MARCKS: variants seen among roughly 807,000 people sequenced by gnomAD.
The protein encoded by MARCKS is myristoylated alanine-rich C-kinase substrate.
MARCKS carries 4 observed loss-of-function variants against 6.3 expected under a neutral mutation model. The ratio of observed to expected loss-of-function variants is 0.63; its 90% CI spans 0.31 to 1.45. The LOEUF is 1.45. Among genes scored for constraint, MARCKS ranks in the 40% most tolerant of loss-of-function variants. MARCKS has a pLI of 0.07. For missense variants in MARCKS, 636 were observed against 485.7 expected (o/e 1.31, Z -2.91); for synonymous variants, 289 against 236.5 (o/e 1.22, Z -2.04).
At chr6:113,857,977 A>G (rs1774814208) in intron 1 of MARCKS, 130 bp downstream of exon 1, 1 of 814,160 alleles carries the variant, frequency 1.2e-6, no homozygotes, top group African/African-American at 1.7e-5. Flanking sequence ...GGAAATGGAT[A>G]GCCTAAATTG....
At position 113,860,496 on chromosome 6, in the gene MARCKS, G is replaced by A. The variant is rs1286719810; in HGVS notation, c.916G>A (p.Ala306Thr). 5 of 1,515,748 alleles carry A rather than the reference G, an allele frequency of 3.3e-6. No individual in the cohort carries two copies. In the Admixed American group the frequency reaches 6.4e-5, roughly 19 times the overall value. The allele number at this position is 1,515,748 out of a possible 1,614,324, so 93.9% of individuals were successfully genotyped here. Residue 306 changes from alanine (A) to threonine (T), a missense_variant, in exon 2 of 2, where the codon GCC becomes ACC. Coordinates refer to ENST00000612661, the MANE Select transcript of MARCKS (RefSeq NM_002356.7). Reference sequence around the variant, plus strand: ...CGCGGAGGAGCCCGCGGCCGCCGCAGCCTCGTCAGCCTGCGCAGCCCCCTC... The same window carrying A: ...CGCGGAGGAGCCCGCGGCCGCCGCAACCTCGTCAGCCTGCGCAGCCCCCTC... Reference protein sequence around the residue: ...APAEEPAAAAASSACAAPSQE... With the variant: ...APAEEPAAAATSSACAAPSQE...
chr6:113,859,476 G>C (rs45622441), intron 1 of MARCKS, among the ~76,000 whole-genome samples: 2,393 of 152,196 alleles, frequency 0.016, 63 homozygotes, highest in African/African-American at 0.055. Flanking sequence ...TTTTCGGGGG[G>C]TCTCCAGGCA....
intron 1 of MARCKS, 53 bp from the exon 2 acceptor site, chr6:113,859,630 A>C: frequency 1.4e-6 from 2 of 1,413,534 alleles, no homozygotes; most frequent in African/African-American, 3.0e-5. Context: ...TGGGGGCGGG[A>C]ATGGCGGCGC....
In MARCKS at chr6:113,857,774, C is replaced by A; in HGVS notation, c.29C>A (p.Ala10Glu). The A allele has an allele frequency of 6.2e-7, 1 of 1,608,970 alleles. No homozygotes were observed. Among genetic ancestry groups the A allele is most frequent in the East Asian group, 2.2e-5 (1 of 44,754 alleles). The stretch of plus-strand genomic sequence containing the variant: ...GGTGCCCAGTTCTCCAAGACCGCAG[C>A]GAAGGGAGAAGCCGCCGCGGAGAGG... MGAQFSKTA[A>E]KGEAAAERPG... is the part of the protein sequence containing the mutation. Residue 10 changes from alanine (A) to glutamate (E), a missense_variant, in exon 1 of 2, where the codon GCG becomes GAG. By Grantham distance (107) the Ala-to-Glu change is moderately radical (BLOSUM62 -1). Coordinates refer to ENST00000612661, the MANE Select transcript of MARCKS (RefSeq NM_002356.7).
rs752367758 is a variant in MARCKS, at chr6:113,857,809, G to A, written c.64G>A (p.Ala22Thr). ...GEAAAERPGEAAVASSPSKAN... is the reference protein window; with the variant it reads ...GEAAAERPGETAVASSPSKAN... ...AGCCGCCGCGGAGAGGCCTGGGGAG[G>A]CGGCTGTGGCCTCGTCGCCTTCCAA... The change falls in exon 1 of 2, where the codon GCG becomes ACG. Residue 22 changes from alanine to threonine, a missense_variant. Transcript: ENST00000612661. 3.1e-6 allele frequency: 5 copies of A among 1,607,988 alleles called. No individual in the cohort carries two copies. Among genetic ancestry groups the A allele is most frequent in the Non-Finnish European group, 4.2e-6 (5 of 1,177,570 alleles).
Position 113,860,125 on chromosome 6 carries a change from G to T in MARCKS, c.545G>T (p.Gly182Val). 6.5e-7 allele frequency: 1 copy of T among 1,536,558 alleles called. No individual in the cohort carries two copies. The highest frequency in any genetic ancestry group is 1.4e-5 in the African/African-American group (1 of 69,718). Residue 182 changes from glycine (G) to valine (V), a missense_variant, in exon 2 of 2, where the codon GGT becomes GTT. Physicochemically the swap from Gly to Val is moderately radical, Grantham distance 109. Coordinates refer to ENST00000612661, the MANE Select transcript of MARCKS (RefSeq NM_002356.7). ...KKNKKEAGEG[G>V]EAEAPAAEGG... ...AACAAGAAGGAGGCTGGAGAAGGCG[G>T]TGAGGCTGAGGCGCCCGCTGCCGAA...
Position 113,860,725 on chromosome 6 carries a change from A to T in MARCKS, c.*146A>T. On this transcript the variant is annotated 3_prime_UTR_variant, in exon 2 of 2. Transcript: ENST00000612661. The stretch of plus-strand genomic sequence containing the variant: ...TTTTTTATTTTACTTTTTTTTAAGC[A>T]CCAAATTTTGTTGTTTTTTTTTTTT... 3.9e-6 allele frequency: 2 copies of T among 517,728 alleles called. No individual in the cohort carries two copies. Among genetic ancestry groups the T allele is most frequent in the Non-Finnish European group, 3.1e-6 (1 of 324,696 alleles). The allele number at this position is 517,728 out of a possible 1,614,324, so 32.1% of individuals were successfully genotyped here.
chr6:113,862,415 C>CATTTT lies in MARCKS; in HGVS notation c.*1836_*1837insATTTT, dbSNP rs1562118784. 5.7e-5 allele frequency: 5 copies of CATTTT among 87,460 alleles called. 1 individual carries two copies. Among genetic ancestry groups the CATTTT allele is most frequent in the Admixed American group, 1.9e-4 (1 of 5,186 alleles). 5.4% of individuals were successfully genotyped at this position (87,460 alleles called of 1,614,324 possible). A position where few individuals can be genotyped will look rare whatever the true frequency, so the allele number is the denominator to read the frequency against. ...GGGCCTTTAGCATAGTTTTAAGCAT[C>CATTTT]CTTTTTTTTTTTTTTTTTTGAAAGT... On this transcript the variant is annotated 3_prime_UTR_variant, in exon 2 of 2. Transcript: ENST00000612661.
At position 113,861,088 on chromosome 6, in the gene MARCKS, T is replaced by A. The variant is rs1042258895; in HGVS notation, c.*509T>A. On this transcript the variant is annotated 3_prime_UTR_variant, in exon 2 of 2. Coordinates refer to ENST00000612661, the MANE Select transcript of MARCKS (RefSeq NM_002356.7). ...GTAAAGGCTGTCTTTTTTTTTTTTT[T>A]AAAAGAAAAGTTATTACCATGTATT... 3 of 148,176 alleles carry A rather than the reference T, an allele frequency of 2.0e-5. No homozygotes were observed. The highest frequency in any genetic ancestry group is 7.4e-5 in the African/African-American group (3 of 40,382). The allele number at this position is 148,176 out of a possible 1,614,324, so 9.2% of individuals were successfully genotyped here.
At position 113,860,306 on chromosome 6, in the gene MARCKS, C is replaced by T; in HGVS notation, c.726C>T (p.Ala242=). Residue 242 remains alanine, a synonymous_variant, in exon 2 of 2, where the codon GCC becomes GCT. Coordinates refer to ENST00000612661, the MANE Select transcript of MARCKS (RefSeq NM_002356.7). ...GDPQEAKPQE[A]AVAPEKPPAS... ...CGCAGGAGGCCAAGCCCCAGGAGGC[C>T]GCTGTCGCGCCAGAGAAGCCGCCCG... The T allele has an allele frequency of 1.6e-6, 2 of 1,284,998 alleles. No homozygotes were observed. Among genetic ancestry groups the T allele is most frequent in the Non-Finnish European group, 2.0e-6 (2 of 990,372 alleles). 79.6% of individuals were successfully genotyped at this position (1,284,998 alleles called of 1,614,324 possible).
At position 113,860,589 on chromosome 6, in the gene MARCKS, C is replaced by G. The variant is rs1020788014; in HGVS notation, c.*10C>G. 57 of 1,537,128 alleles carry G rather than the reference C, an allele frequency of 3.7e-5. No homozygotes were observed. The highest frequency in any genetic ancestry group is 4.5e-5 in the Non-Finnish European group (52 of 1,146,942). On this transcript the variant is annotated 3_prime_UTR_variant, in exon 2 of 2. Transcript: ENST00000612661. ...GGAGGCGGCAGAGTAAAAGAGCAAG[C>G]TTTTGTGAGATAATCGAAGAACTTT...
intron 1 of MARCKS, among the ~76,000 whole-genome samples, chr6:113,858,265 G>GC (rs1175181198): frequency 1.3e-5 from 2 of 148,238 alleles, no homozygotes; most frequent in Non-Finnish European, 3.0e-5. Context: ...ATTGTGTGTG[G>GC]CGGGGGGGGG....
At position 113,860,299 on chromosome 6, in the gene MARCKS, A is replaced by T. The variant is rs1396101529; in HGVS notation, c.719A>T (p.Gln240Leu). The T allele has an allele frequency of 2.4e-6, 3 of 1,276,256 alleles. No individual in the cohort carries two copies. Among genetic ancestry groups the T allele is most frequent in the Non-Finnish European group, 3.0e-6 (3 of 985,582 alleles). 79.1% of individuals were successfully genotyped at this position (1,276,256 alleles called of 1,614,324 possible). ...GGCGACCCGCAGGAGGCCAAGCCCC[A>T]GGAGGCCGCTGTCGCGCCAGAGAAG... The part of the protein sequence containing the change: ...AGGDPQEAKP[Q>L]EAAVAPEKPP... The change falls in exon 2 of 2, where the codon CAG (glutamine) becomes CTG (leucine). Residue 240 changes from glutamine to leucine, a missense_variant. By Grantham distance (113) the Gln-to-Leu change is moderately radical. Coordinates refer to ENST00000612661, the MANE Select transcript of MARCKS (RefSeq NM_002356.7).
At chr6:113,858,474 C>T (rs931191604) in intron 1 of MARCKS, among the ~76,000 whole-genome samples, 37 of 152,236 alleles carry the variant, frequency 2.4e-4, no homozygotes, top group African/African-American at 8.4e-4. Context: ...TGGAATTACA[C>T]ATCCATTTGA....
In MARCKS at chr6:113,860,137, C is replaced by CTGAG. The variant is rs1562117933; in HGVS notation, c.557_558insTGAG (p.Pro187GlufsTer156). 1.3e-6 allele frequency: 2 copies of CTGAG among 1,483,438 alleles called. No homozygotes were observed. Among genetic ancestry groups the CTGAG allele is most frequent in the South Asian group, 1.3e-5 (1 of 79,398 alleles). 91.9% of individuals were successfully genotyped at this position (1,483,438 alleles called of 1,614,324 possible). On this transcript the variant is annotated frameshift_variant, in exon 2 of 2. Coordinates refer to ENST00000612661, the MANE Select transcript of MARCKS (RefSeq NM_002356.7). LOFTEE classifies it low-confidence loss of function (END_TRUNC). ...GCTGGAGAAGGCGGTGAGGCTGAGG[C>CTGAG]GCCCGCTGCCGAAGGCGGCAAGGAC...
In MARCKS at chr6:113,860,171, C is replaced by T. The variant is rs755557718; in HGVS notation, c.591C>T (p.Ala197=). The T allele has an allele frequency of 2.0e-5, 26 of 1,321,086 alleles. No homozygotes were observed. In the African/African-American group the frequency reaches 3.6e-4, roughly 18 times the overall value. The allele number at this position is 1,321,086 out of a possible 1,614,324, so 81.8% of individuals were successfully genotyped here. A position where few individuals can be genotyped will look rare whatever the true frequency, so the allele number is the denominator to read the frequency against. ...PAAEGGKDEA[A]GGAAAAAAEA... ...CCGAAGGCGGCAAGGACGAGGCCGC[C>T]GGGGGCGCAGCTGCGGCCGCCGCCG... Residue 197 remains alanine (A), a synonymous_variant, in exon 2 of 2, where the codon GCC becomes GCT. Transcript: ENST00000612661.
Position 113,862,298 on chromosome 6 carries a change from C to A in MARCKS, c.*1719C>A, listed in dbSNP as rs541647979. 1.8e-4 allele frequency: 28 copies of A among 152,018 alleles called. No individual in the cohort carries two copies. Among genetic ancestry groups the A allele is most frequent in the African/African-American group, 6.5e-4 (27 of 41,462 alleles). 9.4% of individuals were successfully genotyped at this position (152,018 alleles called of 1,614,324 possible). On this transcript the variant is annotated 3_prime_UTR_variant, in exon 2 of 2. Transcript: ENST00000612661. ...GCTATTGTAATTGCTTAGTGCTTGG[C>A]TAATTTCCAAATTATTGCATAATAT...
Position 113,862,347 on chromosome 6 carries a change from T to C in MARCKS, c.*1768T>C, listed in dbSNP as rs1378778190. On this transcript the variant is annotated 3_prime_UTR_variant, in exon 2 of 2. Transcript: ENST00000612661. The stretch of plus-strand genomic sequence containing the variant: ...ATGTTCTACCTTAAGAAAACAGGTT[T>C]ATGTAACAAAGTAATGGTGTTGAAT... 1 of 152,078 alleles carries C rather than the reference T, an allele frequency of 6.6e-6. No individual in the cohort carries two copies. 9.4% of individuals were successfully genotyped at this position (152,078 alleles called of 1,614,324 possible).
At position 113,862,910 on chromosome 6, in the gene MARCKS, C is replaced by T. The variant is rs1003742757; in HGVS notation, c.*2331C>T. 2 of 152,098 alleles carry T rather than the reference C, an allele frequency of 1.3e-5. No homozygotes were observed. The highest frequency in any genetic ancestry group is 2.4e-5 in the African/African-American group (1 of 41,430). The allele number at this position is 152,098 out of a possible 1,614,324, so 9.4% of individuals were successfully genotyped here. ...GAAAGTTAAAAATTGAATTTGGTAACCAAAGGACTGATTTATGGGTCTTTC... is the reference window on the plus strand; with the variant it reads ...GAAAGTTAAAAATTGAATTTGGTAATCAAAGGACTGATTTATGGGTCTTTC... On this transcript the variant is annotated 3_prime_UTR_variant, in exon 2 of 2. Coordinates refer to ENST00000612661, the MANE Select transcript of MARCKS (RefSeq NM_002356.7).
Sources: gnomAD v4.1 joint callset for allele counts (sites outside exome capture counted in the v4.1 genomes callset) on GRCh38, gnomAD v4.1.1 for gene constraint, MANE v1.5 for transcripts, NCBI Gene and HGNC (gene_info 2026-07-23, HGNC 2026-07-21) for gene names.